CISD2: variants seen among roughly 807,000 people sequenced by gnomAD.
CISD2 encodes the protein CDGSH iron-sulfur domain-containing protein 2.
A neutral mutation model predicts 12.9 loss-of-function variants in CISD2; 1 was observed. The observed-to-expected ratio is 0.08, with a 90% CI of 0.03 to 0.37. CISD2 has a LOEUF of 0.37. Ranked by LOEUF, CISD2 falls within the 10% of genes least tolerant of loss-of-function variation. The pLI, the probability that CISD2 is intolerant of heterozygous loss-of-function variation, is 0.99. For synonymous variants in CISD2, 50 were observed against 60.6 expected (o/e 0.83, Z 0.81); for missense variants, 97 against 163.1 (o/e 0.59, Z 2.21).
intron 2 of CISD2, 100 bp from the exon 3 acceptor site, chr4:102,887,241 T>C: frequency 1.4e-6 from 1 of 719,432 alleles, no homozygotes; most frequent in South Asian, 1.6e-5. Context: ...TGATTTTTTT[T>C]AGCAAGTGAT....
At chr4:102,887,168 T>C (rs904825581) in intron 2 of CISD2, among the ~76,000 whole-genome samples, 173 bp from the exon 3 acceptor site, 2 of 152,210 alleles carry the variant, frequency 1.3e-5, no homozygotes, top group African/African-American at 4.8e-5. Context: ...ACTGTTTAAA[T>C]TGTTAGATTT....
At chr4:102,875,588 A>G (rs1300019763) in intron 1 of CISD2, among the ~76,000 whole-genome samples, 2 of 152,244 alleles carry the variant, frequency 1.3e-5, no homozygotes, top group Non-Finnish European at 2.9e-5. Context: ...AAAGACAAGT[A>G]AGTACAGACC....
chr4:102,880,328 G>A (rs1260936381), intron 1 of CISD2, among the ~76,000 whole-genome samples: 4 of 152,142 alleles, frequency 2.6e-5, no homozygotes, highest in South Asian at 2.1e-4. Flanking sequence ...ATATTAAGGA[G>A]TTGGGGAAAT....
intron 1 of CISD2, chr4:102,869,608 G>C (rs1429369534): frequency 1.5e-6 from 1 of 683,144 alleles, no homozygotes; most frequent in Admixed American, 2.1e-5. Context: ...TGTACCCTCA[G>C]CATGTGGGTG....
chr4:102,875,349 A>G (rs1733568737), intron 1 of CISD2, among the ~76,000 whole-genome samples: 1 of 152,266 alleles, frequency 6.6e-6, no homozygotes, highest in Non-Finnish European at 1.5e-5. Context: ...CTGATAGTAC[A>G]CAGTATTATG....
rs1461435199 is a variant in CISD2, at chr4:102,888,560, A to G, written c.*1130A>G. On this transcript the variant is annotated 3_prime_UTR_variant, in exon 3 of 3. Coordinates refer to ENST00000273986, the MANE Select transcript of CISD2 (RefSeq NM_001008388.5). ...AAAGTTTGTGAAATAAACGTACTGG[A>G]GAATCTTTAAAATTTTTGTGCTTTT... The G allele has an allele frequency of 6.6e-6, 1 of 152,254 alleles. No homozygotes were observed. Among genetic ancestry groups the G allele is most frequent in the Non-Finnish European group, 1.5e-5 (1 of 68,044 alleles). The allele number at this position is 152,254 out of a possible 1,614,324, so 9.4% of individuals were successfully genotyped here. A position where few individuals can be genotyped will look rare whatever the true frequency, so the allele number is the denominator to read the frequency against.
intron 1 of CISD2, among the ~76,000 whole-genome samples, chr4:102,878,922 C>A (rs1010613895): frequency 3.9e-5 from 6 of 152,198 alleles, no homozygotes; most frequent in African/African-American, 1.4e-4. Flanking sequence ...CTACCCCAAA[C>A]TGGGTAATTT....
intron 1 of CISD2, among the ~76,000 whole-genome samples, chr4:102,879,962 G>T (rs1733677102): frequency 6.6e-6 from 1 of 151,214 alleles, no homozygotes; most frequent in African/African-American, 2.4e-5. Context: ...ATTTTTTTGA[G>T]ATAGAGTCTC....
intron 1 of CISD2, among the ~76,000 whole-genome samples, chr4:102,876,649 C>T (rs1220238180): frequency 1.3e-5 from 2 of 152,002 alleles, no homozygotes; most frequent in African/African-American, 4.8e-5. Context: ...ACTCAGGAGG[C>T]TGAGGCAGGA....
rs1733342666 is a variant in CISD2 at position 102,869,162 on chromosome 4, C to T, written c.78C>T (p.Ser26=). ...TGAAGCGGCTCCCAGTCCCTGAAAG[C>T]ATTACCGGGTTCGCTAGGCTCACAG... ...AYLKRLPVPE[S]ITGFARLTVS... The change falls in exon 1 of 3, where the codon AGC becomes AGT. Residue 26 remains serine, a synonymous_variant. Coordinates refer to ENST00000273986, the MANE Select transcript of CISD2 (RefSeq NM_001008388.5). 1 of 1,611,532 alleles carries T rather than the reference C, an allele frequency of 6.2e-7. No individual in the cohort carries two copies. The highest frequency in any genetic ancestry group is 1.1e-5 in the South Asian group (1 of 90,202).
At chr4:102,885,453 C>T (rs779230538) in intron 2 of CISD2, 23 bp downstream of exon 2, 2 of 1,596,268 alleles carry the variant, frequency 1.3e-6, no homozygotes, top group Non-Finnish European at 1.7e-6. Flanking sequence ...TTTACGTGTA[C>T]ACTAAAATTT....
At chr4:102,872,888 A>C (rs1220152456) in intron 1 of CISD2, among the ~76,000 whole-genome samples, 2 of 152,244 alleles carry the variant, frequency 1.3e-5, no homozygotes, top group African/African-American at 4.8e-5. Flanking sequence ...GCTATAAAGA[A>C]CTACGCAAGA....
At chr4:102,881,895 A>G (rs904331485) in intron 1 of CISD2, among the ~76,000 whole-genome samples, 1 of 152,216 alleles carries the variant, frequency 6.6e-6, no homozygotes, top group Non-Finnish European at 1.5e-5. Context: ...TTAAGAGTCT[A>G]ACATTAAGGT....
In CISD2 at chr4:102,889,595, C is replaced by A. The variant is rs1442196585; in HGVS notation, c.*2165C>A. ...TATCTCATAAAAGGTAATTTTAATACCCCAAAAGTAAGATGGTTGTACTCT... is the reference window on the plus strand; with the variant it reads ...TATCTCATAAAAGGTAATTTTAATAACCCAAAAGTAAGATGGTTGTACTCT... On this transcript the variant is annotated 3_prime_UTR_variant, in exon 3 of 3. Coordinates refer to ENST00000273986, the MANE Select transcript of CISD2 (RefSeq NM_001008388.5). 6.6e-6 allele frequency: 1 copy of A among 152,040 alleles called. No individual in the cohort carries two copies. Among genetic ancestry groups the A allele is most frequent in the African/African-American group, 2.4e-5 (1 of 41,388 alleles). 9.4% of individuals were successfully genotyped at this position (152,040 alleles called of 1,614,324 possible).
chr4:102,870,523 A>G (rs925159485), intron 1 of CISD2, among the ~76,000 whole-genome samples: 6 of 152,234 alleles, frequency 3.9e-5, no homozygotes, highest in African/African-American at 9.6e-5. Flanking sequence ...TGAGATTTTA[A>G]TATTTTTTAA....
rs759654427 is a variant in CISD2, at chr4:102,869,167, C to T, written c.83C>T (p.Thr28Ile). Residue 28 changes from threonine to isoleucine, a missense_variant, in exon 1 of 3, where the codon ACC becomes ATC. By Grantham distance (89) the Thr-to-Ile change is moderately conservative. Coordinates refer to ENST00000273986, the MANE Select transcript of CISD2 (RefSeq NM_001008388.5). ...LKRLPVPESI[T>I]GFARLTVSEW... ...CGGCTCCCAGTCCCTGAAAGCATTA[C>T]CGGGTTCGCTAGGCTCACAGGTAAT... 1.6e-5 allele frequency: 26 copies of T among 1,610,854 alleles called. No homozygotes were observed. Among genetic ancestry groups the T allele is most frequent in the Admixed American group, 8.4e-5 (5 of 59,766 alleles).
chr4:102,892,706 T>C lies in CISD2; in HGVS notation c.*5276T>C, dbSNP rs1222478061. 6.6e-6 allele frequency: 1 copy of C among 152,214 alleles called. No individual in the cohort carries two copies. The highest frequency in any genetic ancestry group is 1.9e-4 in the East Asian group (1 of 5,200). 9.4% of individuals were successfully genotyped at this position (152,214 alleles called of 1,614,324 possible). ...ATTTCTGATCTCTATTATAAGGCTG[T>C]AATTTTCCAAAATAATACAGAAAAG... is the stretch of plus-strand genomic sequence containing the variant. On this transcript the variant is annotated 3_prime_UTR_variant, in exon 3 of 3. Transcript: ENST00000273986.
chr4:102,874,473 A>T (rs1733545199), intron 1 of CISD2: 1 of 152,222 alleles, frequency 6.6e-6, no homozygotes, highest in African/African-American at 2.4e-5. Flanking sequence ...CTCAACCTAA[A>T]ATAAAAGTCG....
intron 1 of CISD2, among the ~76,000 whole-genome samples, chr4:102,877,695 T>G (rs1296888910): frequency 1.3e-5 from 2 of 152,338 alleles, no homozygotes; most frequent in East Asian, 3.9e-4. Context: ...GCTCCACCCC[T>G]GCAGTAGACT....
Sources: allele counts gnomAD v4.1 joint callset (sites outside exome capture counted in the v4.1 genomes callset), GRCh38; gene constraint gnomAD v4.1.1; transcripts MANE v1.5; gene names NCBI Gene and HGNC (gene_info 2026-07-23, HGNC 2026-07-21).